Variants in IL34 observed in about 807,000 individuals in gnomAD.
IL34 encodes interleukin 34, also known as interleukin-34.
IL34 carries 17 observed loss-of-function variants against 25.3 expected under a neutral mutation model. That is an observed-to-expected ratio of 0.67 (90% CI 0.46 to 1.01). The LOEUF is 1.01. Ranked by LOEUF, IL34 falls within the 50% of genes least tolerant of loss-of-function variation. The pLI is 0.00. For synonymous variants in IL34, 174 were observed against 140.9 expected (o/e 1.23, Z -1.66); for missense variants, 368 against 312.9 (o/e 1.18, Z -1.33).
chr16:70,644,996 G>A (rs1024273393), upstream of IL34, among the ~76,000 whole-genome samples: 1 of 146,550 alleles, frequency 6.8e-6, no homozygotes, highest in Non-Finnish European at 1.5e-5. Flanking sequence ...GAGGAAGGAG[G>A]AAGAAGAGGA....
intron 1 of IL34, among the ~76,000 whole-genome samples, chr16:70,587,122 T>G (rs891067148): frequency 1.3e-5 from 2 of 152,106 alleles, no homozygotes; most frequent in Non-Finnish European, 2.9e-5. Context: ...GTGGTCTCCT[T>G]TGGAGTCACT....
intron 1 of IL34, among the ~76,000 whole-genome samples, chr16:70,592,712 T>A (rs2050770374): frequency 1.3e-5 from 2 of 152,214 alleles, no homozygotes; most frequent in South Asian, 2.1e-4. Flanking sequence ...TGGAGTACAG[T>A]GGCGCGATCT....
intron 1 of IL34, among the ~76,000 whole-genome samples, chr16:70,601,723 C>G (rs561739814): frequency 6.6e-6 from 1 of 152,190 alleles, no homozygotes; most frequent in Admixed American, 6.5e-5. Context: ...TAATCAGAAG[C>G]CAGCTCCTGC....
At chr16:70,596,655 T>C (rs2050827723) in intron 1 of IL34, among the ~76,000 whole-genome samples, 1 of 152,200 alleles carries the variant, frequency 6.6e-6, no homozygotes, top group Non-Finnish European at 1.5e-5. Flanking sequence ...AAAATATTTG[T>C]GCCCAGTTGC....
At chr16:70,638,078 C>T (rs1295805708) in intron 1 of IL34, among the ~76,000 whole-genome samples, 1 of 152,140 alleles carries the variant, frequency 6.6e-6, no homozygotes. Flanking sequence ...TTTCTCCATA[C>T]TACAAATCAG....
At chr16:70,629,404 C>T (rs191416254) in intron 1 of IL34, among the ~76,000 whole-genome samples, 100 of 152,280 alleles carry the variant, frequency 6.6e-4, no homozygotes, top group African/African-American at 2.2e-3. Context: ...TTACAGATCT[C>T]CAGAACCTAC....
At chr16:70,599,319 T>TTCTTTCTTTCTCTCTTTCTTTCTC (rs756361808) in intron 1 of IL34, among the ~76,000 whole-genome samples, 10 of 111,052 alleles carry the variant, frequency 9.0e-5, no homozygotes, top group African/African-American at 1.7e-4. Flanking sequence ...TTTCTTTCTT[T>TTCTTTCTTTCTCTCTTTCTTTCTC]TCTTTCTTTC....
chr16:70,627,345 C>G (rs947485403), intron 1 of IL34, among the ~76,000 whole-genome samples: 4 of 152,118 alleles, frequency 2.6e-5, no homozygotes, highest in Non-Finnish European at 1.5e-5. Context: ...CACACCCTTG[C>G]AACTATTACC....
At chr16:70,658,780 T>C (rs1327045325) in intron 4 of IL34, among the ~76,000 whole-genome samples, 2 of 152,174 alleles carry the variant, frequency 1.3e-5, no homozygotes, top group Non-Finnish European at 2.9e-5. Flanking sequence ...GTCTCAGTCT[T>C]TTCATGGCCT....
chr16:70,614,228 A>T (rs2151830202), intron 1 of IL34, among the ~76,000 whole-genome samples: 1 of 151,040 alleles, frequency 6.6e-6, no homozygotes, highest in African/African-American at 2.4e-5. Flanking sequence ...CCTACCCCAG[A>T]CTTTCTGAGT....
In IL34 at chr16:70,660,363, T is replaced by C. The variant is rs1427023075; in HGVS notation, c.*176T>C. 2 of 582,934 alleles carry C rather than the reference T, an allele frequency of 3.4e-6. No homozygotes were observed. The highest frequency in any genetic ancestry group is 5.7e-6 in the Non-Finnish European group (2 of 348,398). The allele number at this position is 582,934 out of a possible 1,614,324, so 36.1% of individuals were successfully genotyped here. ...CACAGCAGGGCTCAGCTTCCTGCCT[T>C]CCATAGCTGTCATGGCCTCACCTGG... On this transcript the variant is annotated 3_prime_UTR_variant, in exon 6 of 6. Coordinates refer to ENST00000288098, the MANE Select transcript of IL34 (RefSeq NM_001393494.1).
In IL34 at chr16:70,660,147, T is replaced by C. The variant is rs781232520; in HGVS notation, c.689T>C (p.Val230Ala). The stretch of plus-strand genomic sequence containing the variant: ...TCCCCGCCTCACTCCACGGGCTCGG[T>C]GAGGCCGGTCAGGGCACAGGGCGAG... The part of the protein sequence containing the change: ...PSSPPHSTGS[V>A]RPVRAQGEGL... Residue 230 changes from valine to alanine, a missense_variant, in exon 6 of 6, where the codon GTG becomes GCG. By Grantham distance (64) the Val-to-Ala change is moderately conservative. Coordinates refer to ENST00000288098, the MANE Select transcript of IL34 (RefSeq NM_001393494.1). 17 of 1,608,680 alleles carry C rather than the reference T, an allele frequency of 1.1e-5. No homozygotes were observed. The highest frequency in any genetic ancestry group is 1.4e-5 in the Non-Finnish European group (17 of 1,177,992).
In IL34 at chr16:70,660,113, TC is replaced by T; in HGVS notation, c.660del (p.Ser221AlafsTer10). On this transcript the variant is annotated frameshift_variant, in exon 6 of 6. Transcript: ENST00000288098. LOFTEE classifies it low-confidence loss of function (END_TRUNC). Reference sequence around the variant, plus strand: ...CCAGCTGTACCCTCCGCCCCCGTGGTCCCCCAGCTCCCCGCCTCACTCCACG... The same window carrying T: ...CCAGCTGTACCCTCCGCCCCCGTGGTCCCCAGCTCCCCGCCTCACTCCACG... ...ATQLYPPPPWSPSSPPHSTGS... is the reference protein window; with the variant it reads ...ATQLYPPPPWXPSSPPHSTGS... 1.9e-6 allele frequency: 3 copies of T among 1,612,498 alleles called. No homozygotes were observed. The highest frequency in any genetic ancestry group is 1.7e-6 in the Non-Finnish European group (2 of 1,179,506).
At chr16:70,602,012 C>T (rs927582863) in intron 1 of IL34, among the ~76,000 whole-genome samples, 2 of 152,212 alleles carry the variant, frequency 1.3e-5, no homozygotes, top group Non-Finnish European at 2.9e-5. Flanking sequence ...TGCTCCTCTC[C>T]AGGCCCAGCA....
chr16:70,607,097 G>C (rs8061911), intron 1 of IL34, among the ~76,000 whole-genome samples: 26,712 of 151,858 alleles, frequency 0.18, 3,424 homozygotes, highest in African/African-American at 0.36. Context: ...TTAGGATTTT[G>C]TTTTCTTTTC....
chr16:70,648,567 A>AAAG (rs2051999875), intron 1 of IL34, among the ~76,000 whole-genome samples: 1 of 150,506 alleles, frequency 6.6e-6, no homozygotes, highest in Non-Finnish European at 1.5e-5. Flanking sequence ...AAAAAAAAAA[A>AAAG]AAAAAAAAGG....
chr16:70,644,525 C>G (rs1343285305), upstream of IL34, among the ~76,000 whole-genome samples: 6 of 151,892 alleles, frequency 4.0e-5, no homozygotes, highest in African/African-American at 1.5e-4. Context: ...TTACACAGCT[C>G]TATAAATGTG....
chr16:70,635,281 T>C (rs994026648), intron 1 of IL34, among the ~76,000 whole-genome samples: 2 of 152,352 alleles, frequency 1.3e-5, no homozygotes, highest in Middle Eastern at 3.4e-3. Flanking sequence ...ATATTTTCTT[T>C]GCTCCATAGA....
At chr16:70,653,774 A>G (rs2052141383) in intron 1 of IL34, among the ~76,000 whole-genome samples, 1 of 152,126 alleles carries the variant, frequency 6.6e-6, no homozygotes, top group Non-Finnish European at 1.5e-5. Flanking sequence ...TTGCTGGCCT[A>G]CTTCTGTTTT....
Sources: gnomAD v4.1 joint callset for allele counts (sites outside exome capture counted in the v4.1 genomes callset) on GRCh38, gnomAD v4.1.1 for gene constraint, MANE v1.5 for transcripts, NCBI Gene and HGNC (gene_info 2026-07-23, HGNC 2026-07-21) for gene names.